NHLRC2: variants seen among roughly 807,000 people sequenced by gnomAD.
NHLRC2 encodes the protein NHL repeat containing 2, also known as NHL repeat-containing protein 2.
Under a neutral mutation model 68.1 loss-of-function variants are expected in NHLRC2, and 33 were observed. The ratio of observed to expected loss-of-function variants is 0.48; its 90% CI spans 0.37 to 0.65. NHLRC2 has a LOEUF of 0.65. NHLRC2 is among the 30% of genes least tolerant of loss of function. The probability of loss-of-function intolerance (pLI) is 0.00; values close to 1 mark genes in which losing one functional copy is unlikely to be tolerated. For missense variants in NHLRC2, 761 were observed against 853.8 expected (o/e 0.89, Z 1.35); for synonymous variants, 311 against 309.6 (o/e 1.00, Z -0.05).
intron 1 of NHLRC2, among the ~76,000 whole-genome samples, chr10:113,856,581 A>G (rs1181411548): frequency 6.6e-6 from 1 of 152,258 alleles, no homozygotes; most frequent in Non-Finnish European, 1.5e-5. Flanking sequence ...TGTTATAAAC[A>G]AGCAGGCCAT....
rs751963963 is a variant in NHLRC2, at chr10:113,908,249, C to G, written c.1925-31C>G. ...TTCCCAGTTTTCTACTTATCTTATA[C>G]AGTCTTAATAATTTCATTTTTGATT... is the stretch of plus-strand genomic sequence containing the variant. On this transcript the variant is annotated intron_variant, in intron 10 of 10. Coordinates refer to ENST00000369301, the MANE Select transcript of NHLRC2 (RefSeq NM_198514.4). The G allele has an allele frequency of 3.8e-5, 59 of 1,556,242 alleles. No individual in the cohort carries two copies. The South Asian group carries it at 6.5e-4, about 17-fold the overall frequency.
In NHLRC2 at chr10:113,880,639, GA is replaced by G. The variant is rs1338177897; in HGVS notation, c.909+951del. 4.0e-5 allele frequency among the ~76,000 whole-genome samples: 6 copies of G among 151,616 alleles called. No homozygotes were observed. The East Asian group carries it at 5.8e-4, about 15-fold the overall frequency. ...TATTTTCACTTATATACACATAGTA[GA>G]AAAAAATACATATAATATATAATAA... On this transcript the variant is annotated intron_variant, in intron 4 of 10. Coordinates refer to ENST00000369301, the MANE Select transcript of NHLRC2 (RefSeq NM_198514.4).
At chr10:113,891,130 C>T (rs147625064) in intron 5 of NHLRC2, among the ~76,000 whole-genome samples, 12 of 152,276 alleles carry the variant, frequency 7.9e-5, no homozygotes, top group Middle Eastern at 3.4e-3. Context: ...GGGAACACGG[C>T]CAAACCATAT....
chr10:113,858,413 C>G, intron 1 of NHLRC2, 115 bp from the exon 2 acceptor site: 1 of 668,360 alleles, frequency 1.5e-6, no homozygotes, highest in South Asian at 2.0e-5. Context: ...GTGCTACTCT[C>G]TCAAAGTGTT....
chr10:113,874,622 CA>C (rs1292789841), intron 2 of NHLRC2, among the ~76,000 whole-genome samples: 1 of 152,000 alleles, frequency 6.6e-6, no homozygotes, highest in Non-Finnish European at 1.5e-5. Flanking sequence ...AAAGTTGGGA[CA>C]TTACTCAGTT....
intron 6 of NHLRC2, among the ~76,000 whole-genome samples, chr10:113,901,047 G>A (rs1463075745): frequency 6.6e-6 from 1 of 152,056 alleles, no homozygotes. Flanking sequence ...TTTCCCTAAT[G>A]TATATAAGAA....
At chr10:113,878,014 G>T (rs1340713203) in intron 3 of NHLRC2, among the ~76,000 whole-genome samples, 2 of 152,152 alleles carry the variant, frequency 1.3e-5, no homozygotes, top group Admixed American at 1.3e-4. Context: ...AATATTCTTT[G>T]TTAAAAGAGA....
chr10:113,908,185 A>T (rs1846292275), intron 10 of NHLRC2, 95 bp from the exon 11 acceptor site: 1 of 904,852 alleles, frequency 1.1e-6, no homozygotes, highest in African/African-American at 1.7e-5. Context: ...TTTTTTAATA[A>T]ATATTTGTCG....
intron 2 of NHLRC2, among the ~76,000 whole-genome samples, chr10:113,862,440 G>T (rs1168224267): frequency 7.0e-6 from 1 of 142,104 alleles, no homozygotes; most frequent in Non-Finnish European, 1.5e-5. Context: ...AATGAAATAA[G>T]AAAAGAATTT....
intron 10 of NHLRC2, among the ~76,000 whole-genome samples, chr10:113,907,312 A>AT (rs1471337310): frequency 6.6e-6 from 1 of 152,246 alleles, no homozygotes; most frequent in Non-Finnish European, 1.5e-5. Context: ...TGAGAACAAA[A>AT]GAAAGAGACA....
chr10:113,878,831 G>C (rs369236588), intron 3 of NHLRC2, among the ~76,000 whole-genome samples: 7 of 152,114 alleles, frequency 4.6e-5, no homozygotes, highest in African/African-American at 1.7e-4. Flanking sequence ...GCCAGGCCTT[G>C]GGTTTGTTTT....
intron 6 of NHLRC2, among the ~76,000 whole-genome samples, chr10:113,899,168 C>A (rs1339993154): frequency 6.6e-6 from 1 of 152,032 alleles, no homozygotes; most frequent in African/African-American, 2.4e-5. Flanking sequence ...TTATTTTTAG[C>A]CATTTCCTCC....
intron 2 of NHLRC2, among the ~76,000 whole-genome samples, chr10:113,876,161 A>T (rs1845977753): frequency 6.6e-6 from 1 of 151,860 alleles, no homozygotes. Flanking sequence ...AAGCAGGCAT[A>T]GTCAACTCTG....
At chr10:113,862,154 A>C (rs115655844) in intron 2 of NHLRC2, among the ~76,000 whole-genome samples, 2,523 of 152,110 alleles carry the variant, frequency 0.017, 64 homozygotes, top group African/African-American at 0.056. Context: ...TATGGGATTA[A>C]CGCCATGAGC....
Position 113,900,722 on chromosome 10 carries a change from T to C in NHLRC2, c.1140-944T>C, listed in dbSNP as rs112799746. ...ATATATTGTACTTGCTATGTTTATA[T>C]GTTTCTTGAATAAGTGGCCATATTT... On this transcript the variant is annotated intron_variant, in intron 6 of 10. Transcript: ENST00000369301. 5.4e-3 allele frequency among the ~76,000 whole-genome samples: 824 copies of C among 152,342 alleles called. 9 individuals are homozygous for C. Among genetic ancestry groups the C allele is most frequent in the African/African-American group, 0.019 (782 of 41,584 alleles).
intron 5 of NHLRC2, among the ~76,000 whole-genome samples, chr10:113,893,612 C>T (rs1197493647): frequency 6.6e-6 from 1 of 152,156 alleles, no homozygotes; most frequent in Non-Finnish European, 1.5e-5. Flanking sequence ...GACACTGCTG[C>T]TGCTTCTCTA....
intron 8 of NHLRC2, among the ~76,000 whole-genome samples, 184 bp from the exon 9 acceptor site, chr10:113,903,343 C>T (rs1846244676): frequency 6.6e-6 from 1 of 152,122 alleles, no homozygotes; most frequent in African/African-American, 2.4e-5. Context: ...TAGAATATCT[C>T]CCCTTAGACT....
Position 113,854,946 on chromosome 10 carries a change from T to C in NHLRC2, c.74T>C (p.Leu25Pro), listed in dbSNP as rs747178911. Reference protein sequence around the residue: ...LPAQTSLEYALLDAVTQQEKD... With the variant: ...LPAQTSLEYAPLDAVTQQEKD... ...GCGCAGACCTCGCTAGAGTACGCCC[T>C]GCTCGACGCCGTTACCCAGCAGGAG... The change falls in exon 1 of 11, where the codon CTG (leucine) becomes CCG (proline). Residue 25 changes from leucine to proline, a missense_variant. Coordinates refer to ENST00000369301, the MANE Select transcript of NHLRC2 (RefSeq NM_198514.4). 1 of 1,555,248 alleles carries C rather than the reference T, an allele frequency of 6.4e-7. No homozygotes were observed. The highest frequency in any genetic ancestry group is 8.7e-7 in the Non-Finnish European group (1 of 1,149,022).
At chr10:113,901,121 A>G (rs1008071483) in intron 6 of NHLRC2, among the ~76,000 whole-genome samples, 24 of 152,234 alleles carry the variant, frequency 1.6e-4, no homozygotes, top group South Asian at 1.2e-3. Flanking sequence ...ATAATTATGT[A>G]CAATTATATT....
Sources: allele counts gnomAD v4.1 joint callset (sites outside exome capture counted in the v4.1 genomes callset), GRCh38; gene constraint gnomAD v4.1.1; transcripts MANE v1.5; gene names NCBI Gene and HGNC (gene_info 2026-07-23, HGNC 2026-07-21).